EGFR: variants seen among roughly 807,000 people sequenced by gnomAD.
EGFR encodes epidermal growth factor receptor.
EGFR carries 58 observed loss-of-function variants against 143.0 expected under a neutral mutation model. That is an observed-to-expected ratio of 0.41 (90% CI 0.33 to 0.50). The LOEUF (loss-of-function observed/expected upper bound fraction) is 0.50, where lower values mean the gene tolerates loss of function less well. Among genes scored for constraint, EGFR ranks in the 20% least tolerant of loss-of-function variants. The pLI is 0.39. For synonymous variants in EGFR, 613 were observed against 594.4 expected, an observed-to-expected ratio of 1.03 and a Z score of -0.45; for missense variants, 1,307 against 1,579.0, an observed-to-expected ratio of 0.83 and a Z score of 2.92.
Position 55,156,745 on chromosome 7 carries a change from G to A in EGFR, c.1134-14G>A, listed in dbSNP as rs369109648. ...GAGATTGGTGATCAATAATCACCCT[G>A]TTGTTTGTTTCAGTGACTCCTTCAC... is the stretch of plus-strand genomic sequence containing the variant. On this transcript the variant is annotated splice_polypyrimidine_tract_variant and intron_variant, in intron 9 of 27. Transcript: ENST00000275493. 5.0e-6 allele frequency: 8 copies of A among 1,614,028 alleles called. No individual in the cohort carries two copies. Among genetic ancestry groups the A allele is most frequent in the Middle Eastern group, 3.3e-4 (2 of 6,084 alleles).
chr7:55,174,073 G>GCACA, intron 18 of EGFR, 30 bp downstream of exon 18: 1 of 1,613,886 alleles, frequency 6.2e-7, no homozygotes, highest in Non-Finnish European at 8.5e-7. Context: ...CCTCTGGGCT[G>GCACA]GGCCGCAGGG....
intron 20 of EGFR, chr7:55,181,744 C>T: frequency 1.9e-6 from 1 of 536,102 alleles, no homozygotes; most frequent in South Asian, 2.1e-5. Flanking sequence ...GGTCTGATGT[C>T]TCTGTTCTTA....
rs191246189 is a variant in EGFR at position 55,101,550 on chromosome 7, C to T, written c.89-40736C>T. On this transcript the variant is annotated intron_variant, in intron 1 of 27. Transcript: ENST00000275493. ...AGCCTGCATACTTCCTTTTAAGGTG[C>T]AGTTGAATCAGGAGAAACTTGCCGC... Among the ~76,000 whole-genome samples, 109 of 152,242 alleles carry T rather than the reference C, an allele frequency of 7.2e-4. 1 individual carries two copies. The highest frequency in any genetic ancestry group is 2.6e-3 in the African/African-American group (106 of 41,558).
At chr7:55,169,167 C>G (rs1786223550) in intron 15 of EGFR, among the ~76,000 whole-genome samples, 1 of 151,016 alleles carries the variant, frequency 6.6e-6, no homozygotes, top group South Asian at 2.1e-4. Flanking sequence ...GTGCCGTGAT[C>G]TTGGCTCACT....
At chr7:55,201,067 C>A (rs2128971235) in intron 24 of EGFR, 121 bp from the exon 25 acceptor site, 1 of 1,243,998 alleles carries the variant, frequency 8.0e-7, no homozygotes, top group Non-Finnish European at 1.2e-6. Context: ...AGGGGGATTT[C>A]ATTATAACAA....
chr7:55,045,708 T>A (rs1341572827), intron 1 of EGFR, among the ~76,000 whole-genome samples: 2 of 152,214 alleles, frequency 1.3e-5, no homozygotes, highest in Non-Finnish European at 2.9e-5. Flanking sequence ...AGGTAATGTG[T>A]GAAAAGTGAA....
chr7:55,165,815 T>G (rs1320741755), intron 15 of EGFR, among the ~76,000 whole-genome samples: 1 of 152,218 alleles, frequency 6.6e-6, no homozygotes, highest in African/African-American at 2.4e-5. Context: ...AAAGGTAACA[T>G]TGCCTGGAAT....
At chr7:55,105,298 G>A (rs948622281) in intron 1 of EGFR, among the ~76,000 whole-genome samples, 1 of 152,236 alleles carries the variant, frequency 6.6e-6, no homozygotes, top group Non-Finnish European at 1.5e-5. Flanking sequence ...GAATGCACAA[G>A]TGGAAAACTG....
intron 27 of EGFR, among the ~76,000 whole-genome samples, chr7:55,203,593 C>G (rs1433919986): frequency 7.3e-6 from 1 of 136,922 alleles, no homozygotes; most frequent in Non-Finnish European, 1.6e-5. Flanking sequence ...ACACACACCA[C>G]AAAAACCGCA....
At chr7:55,175,394 TG>T (rs772919932) in intron 19 of EGFR, among the ~76,000 whole-genome samples, 2 of 152,266 alleles carry the variant, frequency 1.3e-5, no homozygotes, top group Non-Finnish European at 2.9e-5. Flanking sequence ...TGTTACTTTG[TG>T]GAATAAGTTC....
chr7:55,138,921 G>C (rs891206966), intron 1 of EGFR, among the ~76,000 whole-genome samples: 8 of 152,206 alleles, frequency 5.3e-5, no homozygotes, highest in African/African-American at 1.9e-4. Context: ...AAGAGAGCAT[G>C]CATGTGAGGT....
intron 1 of EGFR, among the ~76,000 whole-genome samples, chr7:55,137,558 G>A (rs1190507250): frequency 6.6e-6 from 1 of 152,170 alleles, no homozygotes; most frequent in African/African-American, 2.4e-5. Flanking sequence ...AAAGTGAGGA[G>A]TTTCTCAAGA....
chr7:55,130,983 G>A (rs1319914780), intron 1 of EGFR, among the ~76,000 whole-genome samples: 5 of 152,188 alleles, frequency 3.3e-5, no homozygotes, highest in Admixed American at 6.5e-5. Context: ...AGAAAGGGAC[G>A]GGATTCCTCC....
chr7:55,053,997 G>A (rs1358076596), intron 1 of EGFR, among the ~76,000 whole-genome samples: 1 of 152,014 alleles, frequency 6.6e-6, no homozygotes, highest in Non-Finnish European at 1.5e-5. Flanking sequence ...AAAAAGTCAG[G>A]TCCCTCCCTC....
intron 1 of EGFR, among the ~76,000 whole-genome samples, chr7:55,109,044 G>C (rs1792307667): frequency 6.6e-6 from 1 of 152,200 alleles, no homozygotes. Context: ...ATACGCTGGA[G>C]GGGGCTGCAA....
At chr7:55,204,698 CAT>C (rs1360777212) in intron 27 of EGFR, among the ~76,000 whole-genome samples, 5 of 133,558 alleles carry the variant, frequency 3.7e-5, no homozygotes, top group Non-Finnish European at 8.0e-5. Context: ...CACAGACACA[CAT>C]AGACACACCA....
At position 55,044,396 on chromosome 7, in the gene EGFR, T is replaced by A. The variant is rs17335801; in HGVS notation, c.88+25031T>A. Among the ~76,000 whole-genome samples, 261 of 152,340 alleles carry A rather than the reference T, an allele frequency of 1.7e-3. 1 individual carries two copies. The highest frequency in any genetic ancestry group is 3.2e-3 in the Non-Finnish European group (219 of 68,026). On this transcript the variant is annotated intron_variant, in intron 1 of 27. Transcript: ENST00000275493. Reference sequence around the variant, plus strand: ...TATGGGACTTTGAAATAATGTTGTTTGTGCCAAGGTTTTAGATTACTATAC... The same window carrying A: ...TATGGGACTTTGAAATAATGTTGTTAGTGCCAAGGTTTTAGATTACTATAC...
chr7:55,159,643 G>T (rs912328215), intron 11 of EGFR, among the ~76,000 whole-genome samples: 1 of 152,172 alleles, frequency 6.6e-6, no homozygotes. Flanking sequence ...ATCTGCTTAC[G>T]GGGTTGTGTC....
At chr7:55,117,342 C>A (rs1562728912) in intron 1 of EGFR, among the ~76,000 whole-genome samples, 1 of 152,000 alleles carries the variant, frequency 6.6e-6, no homozygotes, top group Non-Finnish European at 1.5e-5. Context: ...ATAATGGTAC[C>A]CAATGAAAGA....
Sources: allele counts gnomAD v4.1 joint callset (sites outside exome capture counted in the v4.1 genomes callset), GRCh38; gene constraint gnomAD v4.1.1; transcripts MANE v1.5; gene names NCBI Gene and HGNC (gene_info 2026-07-23, HGNC 2026-07-21).